The following TADA2A variants were observed in gnomAD, a reference collection of about 807,000 sequenced individuals.
The protein encoded by TADA2A is transcriptional adaptor 2A.
TADA2A carries 38 observed loss-of-function variants against 67.4 expected under a neutral mutation model. The observed-to-expected ratio is 0.56, with a 90% confidence interval of 0.44 to 0.74. The LOEUF is 0.74. Among genes scored for constraint, TADA2A ranks in the 30% least tolerant of loss-of-function variants. The probability of loss-of-function intolerance (pLI) is 0.00; values close to 1 mark genes in which losing one functional copy is unlikely to be tolerated. For synonymous variants in TADA2A, 192 were observed against 181.6 expected (o/e 1.06, Z -0.46); for missense variants, 454 against 547.0 (o/e 0.83, Z 1.70).
At chr17:37,475,195 G>A (rs558131648) in intron 15 of TADA2A, among the ~76,000 whole-genome samples, 2 of 150,930 alleles carry the variant, frequency 1.3e-5, no homozygotes, top group East Asian at 1.9e-4. Context: ...TTTTTGAGAC[G>A]GAGACTTGCC....
chr17:37,425,120 A>G (rs142203564), intron 3 of TADA2A, among the ~76,000 whole-genome samples: 12 of 150,486 alleles, frequency 8.0e-5, no homozygotes, highest in Admixed American at 8.0e-4. Flanking sequence ...ACCTCAAGTG[A>G]TCCTCCTGCC....
In TADA2A at chr17:37,406,969, T is replaced by TGGGCGGGCGGGC. The variant is rs556238237; in HGVS notation, c.-98+28_-98+39dup. 8.4e-6 allele frequency: 1 copy of TGGGCGGGCGGGC among 118,466 alleles called. No homozygotes were observed. Among genetic ancestry groups the TGGGCGGGCGGGC allele is most frequent in the Non-Finnish European group, 1.9e-5 (1 of 52,614 alleles). The allele number at this position is 118,466 out of a possible 1,614,324, so 7.3% of individuals were successfully genotyped here. A position where few individuals can be genotyped will look rare whatever the true frequency, so the allele number is the denominator to read the frequency against. ...GGCGAGGTGAGGCGCCAGGCAGCGCTGGGCGGGCGGGCGGGCGGGTGGCGG... is the reference window on the plus strand; with the variant it reads ...GGCGAGGTGAGGCGCCAGGCAGCGCTGGGCGGGCGGGCGGGCGGGCGGGCGGGCGGGTGGCGG... On this transcript the variant is annotated intron_variant, in intron 1 of 15. Transcript: ENST00000615182.
At position 37,477,602 on chromosome 17, in the gene TADA2A, C is replaced by G. The variant is rs2053915438; in HGVS notation, c.*620C>G. ...GCCTCAGCCTCCCGAATAGCTGGGA[C>G]TACAGGTGTCCACCACCACACCTGG... On this transcript the variant is annotated 3_prime_UTR_variant, in exon 16 of 16. Coordinates refer to ENST00000615182, the MANE Select transcript of TADA2A (RefSeq NM_001166105.3). The G allele has an allele frequency of 6.6e-6, 1 of 151,700 alleles. No individual in the cohort carries two copies. Among genetic ancestry groups the G allele is most frequent in the South Asian group, 2.1e-4 (1 of 4,806 alleles). 9.4% of individuals were successfully genotyped at this position (151,700 alleles called of 1,614,324 possible).
chr17:37,437,776 T>C lies in TADA2A; in HGVS notation c.231T>C (p.Ala77=), dbSNP rs368442122. The C allele has an allele frequency of 8.7e-6, 14 of 1,614,112 alleles. No homozygotes were observed. The highest frequency in any genetic ancestry group is 1.2e-5 in the Non-Finnish European group (14 of 1,180,056). Residue 77 remains alanine (A), a synonymous_variant, in exon 5 of 16, where the codon GCT becomes GCC. Transcript: ENST00000615182. ...DFPVLDPSWT[A]QEEMALLEAV... is the part of the protein sequence containing the mutation. Reference sequence around the variant, plus strand: ...CTGTCCTTGATCCCAGCTGGACTGCTCAAGAAGAAATGGCCCTTTTAGAAG... The same window carrying C: ...CTGTCCTTGATCCCAGCTGGACTGCCCAAGAAGAAATGGCCCTTTTAGAAG...
At chr17:37,444,592 G>T in intron 7 of TADA2A, 104 bp from the exon 8 acceptor site, 1 of 948,144 alleles carries the variant, frequency 1.1e-6, no homozygotes, top group Non-Finnish European at 1.6e-6. Flanking sequence ...TTAAACAACT[G>T]TTTGCTTGTG....
chr17:37,469,845 T>C (rs927721265), intron 12 of TADA2A, among the ~76,000 whole-genome samples: 1 of 152,182 alleles, frequency 6.6e-6, no homozygotes, highest in African/African-American at 2.4e-5. Context: ...TGTTAACATG[T>C]AGAAAACACC....
rs1423139282 is a variant in TADA2A, at chr17:37,444,721, A to T, written c.557A>T (p.Asp186Val). Residue 186 changes from aspartate (D) to valine (V), a missense_variant, in exon 8 of 16, where the codon GAC becomes GTC. By Grantham distance (152) the Asp-to-Val change is radical. Coordinates refer to ENST00000615182, the MANE Select transcript of TADA2A (RefSeq NM_001166105.3). ...GAATTTGACAATTATGCAGAATGGG[A>T]CTTGAGAGACATTGATTTTGTTGAA... ...IEEFDNYAEW[D>V]LRDIDFVEDD... The T allele has an allele frequency of 2.5e-6, 4 of 1,613,918 alleles. No homozygotes were observed. The highest frequency in any genetic ancestry group is 3.4e-6 in the Non-Finnish European group (4 of 1,179,992).
intron 8 of TADA2A, among the ~76,000 whole-genome samples, chr17:37,457,382 T>C (rs2053423789): frequency 6.6e-6 from 1 of 151,654 alleles, no homozygotes; most frequent in Admixed American, 6.6e-5. Flanking sequence ...GGTTTCACCA[T>C]ATTGGCCAGG....
intron 2 of TADA2A, among the ~76,000 whole-genome samples, chr17:37,415,996 C>T (rs1451271449): frequency 1.3e-5 from 2 of 151,552 alleles, no homozygotes; most frequent in Admixed American, 6.6e-5. Context: ...TAAATTTTAT[C>T]TTGCTTATGA....
chr17:37,407,119 C>T (rs956244464), intron 1 of TADA2A, 170 bp downstream of exon 1: 3 of 144,618 alleles, frequency 2.1e-5, no homozygotes, highest in Non-Finnish European at 3.1e-5. Flanking sequence ...GGCGGGCGGG[C>T]AGCGGCGGGC....
chr17:37,452,599 C>G lies in TADA2A; in HGVS notation c.605-5925C>G, dbSNP rs143471730. Among the ~76,000 whole-genome samples, 535 of 152,284 alleles carry G rather than the reference C, an allele frequency of 3.5e-3. 2 individuals are homozygous for G. Among genetic ancestry groups the G allele is most frequent in the African/African-American group, 0.012 (513 of 41,554 alleles). On this transcript the variant is annotated intron_variant, in intron 8 of 15. Coordinates refer to ENST00000615182, the MANE Select transcript of TADA2A (RefSeq NM_001166105.3). ...CTATCCTTGTTTCTACCCACCACTT[C>G]TACCACATAGGCTTGTAAAGTGCAT...
At chr17:37,450,944 T>A (rs560481283) in intron 8 of TADA2A, among the ~76,000 whole-genome samples, 2 of 152,348 alleles carry the variant, frequency 1.3e-5, no homozygotes, top group Admixed American at 1.3e-4. Flanking sequence ...TTTTCTTCCT[T>A]TTGTTCTCCA....
At chr17:37,426,176 A>T (rs2052399417) in intron 3 of TADA2A, among the ~76,000 whole-genome samples, 1 of 152,102 alleles carries the variant, frequency 6.6e-6, no homozygotes, top group African/African-American at 2.4e-5. Flanking sequence ...TTATCTTAGA[A>T]TGGCTGAAAT....
intron 3 of TADA2A, chr17:37,426,374 C>T (rs1362223850): frequency 6.6e-6 from 1 of 151,824 alleles, no homozygotes; most frequent in Non-Finnish European, 1.5e-5. Flanking sequence ...TAAATGAATC[C>T]TTAAAAAATT....
intron 1 of TADA2A, among the ~76,000 whole-genome samples, chr17:37,409,115 T>G (rs888047962): frequency 2.0e-5 from 3 of 152,160 alleles, no homozygotes; most frequent in African/African-American, 7.2e-5. Flanking sequence ...AGACAGGATC[T>G]TGCACTGTCG....
rs375062271 is a variant in TADA2A at position 37,435,219 on chromosome 17, CAT to C, written c.193-2518_193-2517del. Among the ~76,000 whole-genome samples, 228 of 152,354 alleles carry C rather than the reference CAT, an allele frequency of 1.5e-3. 1 individual carries two copies. Among genetic ancestry groups the C allele is most frequent in the Non-Finnish European group, 2.4e-3 (163 of 68,038 alleles). ...ATTATTTTTCTTGTAAGATACAACA[CAT>C]GAGTTCATAATAAAACTTTCAATTT... On this transcript the variant is annotated intron_variant, in intron 4 of 15. Coordinates refer to ENST00000615182, the MANE Select transcript of TADA2A (RefSeq NM_001166105.3).
At chr17:37,450,442 A>G (rs1045003841) in intron 8 of TADA2A, 1 of 152,248 alleles carries the variant, frequency 6.6e-6, no homozygotes, top group East Asian at 1.9e-4. Flanking sequence ...CTGTCAAGAA[A>G]ACAGAAACAT....
chr17:37,441,867 T>C (rs2052927287), intron 6 of TADA2A, among the ~76,000 whole-genome samples: 1 of 152,088 alleles, frequency 6.6e-6, no homozygotes, highest in African/African-American at 2.4e-5. Context: ...AAGGTTTTGC[T>C]GTGTTGGCGA....
Position 37,470,379 on chromosome 17 carries a change from T to C in TADA2A, c.896-21T>C, listed in dbSNP as rs1346548602. ...TTCTGCTGCATTGTCATTGTGGTCA[T>C]TGTGTTTTCTATACCCCCAGGTGCC... On this transcript the variant is annotated intron_variant, in intron 12 of 15. Transcript: ENST00000615182. 17 of 1,613,146 alleles carry C rather than the reference T, an allele frequency of 1.1e-5. No homozygotes were observed. The African/African-American group carries it at 2.1e-4, about 20-fold the overall frequency.
Sources: allele counts gnomAD v4.1 joint callset (sites outside exome capture counted in the v4.1 genomes callset), GRCh38; gene constraint gnomAD v4.1.1; transcripts MANE v1.5; gene names NCBI Gene and HGNC (gene_info 2026-07-23, HGNC 2026-07-21).